The following GALNT16 variants were observed in gnomAD, a reference collection of about 807,000 sequenced individuals.
The protein encoded by GALNT16 is UDP-GalNAc:polypeptide N-acetylgalactosaminyltransferase-like protein 1.
In GALNT16, 40 loss-of-function variants were observed where a neutral mutation model predicts 76.1. That is an observed-to-expected ratio of 0.53 (90% CI 0.41 to 0.68). The LOEUF is 0.68. Among genes scored for constraint, GALNT16 ranks in the 30% least tolerant of loss-of-function variants. The pLI is 0.00. For missense variants in GALNT16, 621 were observed against 731.9 expected, an observed-to-expected ratio of 0.85 and a Z score of 1.75; for synonymous variants, 276 against 285.2, an observed-to-expected ratio of 0.97 and a Z score of 0.32.
At chr14:69,359,145 T>C (rs2045709472), downstream of GALNT16, 1 of 152,274 alleles carries the variant, frequency 6.6e-6, no homozygotes, top group Non-Finnish European at 1.5e-5. Flanking sequence ...GTTCCTGTCT[T>C]CTCTAGTCTT....
intron 1 of GALNT16, among the ~76,000 whole-genome samples, chr14:69,301,367 T>G (rs1261541004): frequency 2.0e-5 from 3 of 152,184 alleles, no homozygotes; most frequent in Admixed American, 6.5e-5. Flanking sequence ...AAATTATTAT[T>G]ATTTGAGACG....
chr14:69,344,272 A>G (rs1004277241), intron 12 of GALNT16, among the ~76,000 whole-genome samples: 1 of 152,276 alleles, frequency 6.6e-6, no homozygotes, highest in Non-Finnish European at 1.5e-5. Context: ...TATCAAGAAC[A>G]GTTGTTCAGG....
chr14:69,292,757 C>T (rs959577468), intron 1 of GALNT16, among the ~76,000 whole-genome samples: 1 of 152,212 alleles, frequency 6.6e-6, no homozygotes, highest in African/African-American at 2.4e-5. Flanking sequence ...GGTGGCTTCC[C>T]CCTACCAGTT....
intron 1 of GALNT16, among the ~76,000 whole-genome samples, chr14:69,298,911 G>C (rs543455565): frequency 6.6e-6 from 1 of 152,360 alleles, no homozygotes; most frequent in East Asian, 1.9e-4. Context: ...TGTGTCTTCA[G>C]AGATCCCGAC....
rs1246427256 is a variant in GALNT16, at chr14:69,352,228, G to A, written c.*60G>A. The A allele has an allele frequency of 6.8e-7, 1 of 1,463,380 alleles. No individual in the cohort carries two copies. The highest frequency in any genetic ancestry group is 2.3e-5 in the East Asian group (1 of 42,932). The allele number at this position is 1,463,380 out of a possible 1,614,324, so 90.6% of individuals were successfully genotyped here. A position where few individuals can be genotyped will look rare whatever the true frequency, so the allele number is the denominator to read the frequency against. On this transcript the variant is annotated 3_prime_UTR_variant, in exon 15 of 15. Coordinates refer to ENST00000448469, the MANE Select transcript of GALNT16 (RefSeq NM_001168368.2). ...AGACTTCGGGACCGGAAGGGGGTTA[G>A]GGTGGGGGAGTGCAAAGTGGGCTGT... is the stretch of plus-strand genomic sequence containing the variant.
chr14:69,266,206 C>T (rs1374860222), intron 1 of GALNT16, among the ~76,000 whole-genome samples: 1 of 152,144 alleles, frequency 6.6e-6, no homozygotes, highest in Non-Finnish European at 1.5e-5. Context: ...TTTGTATTCG[C>T]TCCACAAACA....
At chr14:69,264,232 G>C (rs966806162) in intron 1 of GALNT16, among the ~76,000 whole-genome samples, 1 of 152,152 alleles carries the variant, frequency 6.6e-6, no homozygotes, top group Non-Finnish European at 1.5e-5. Flanking sequence ...TTCTTAAACC[G>C]GAGTTTCTTA....
At chr14:69,327,205 C>G (rs2140173151) in intron 5 of GALNT16, among the ~76,000 whole-genome samples, 1 of 152,254 alleles carries the variant, frequency 6.6e-6, no homozygotes, top group African/African-American at 2.4e-5. Context: ...ACGAAAATAT[C>G]TGGGTGTGGT....
chr14:69,384,501 T>A, the GALNT16 span, among the ~76,000 whole-genome samples: 1 of 152,268 alleles, frequency 6.6e-6, no homozygotes, highest in African/African-American at 2.4e-5. Flanking sequence ...TAAAACATGA[T>A]CCTTTGCTTC....
chr14:69,329,282 G>A (rs1023500183), intron 6 of GALNT16, among the ~76,000 whole-genome samples: 10 of 152,204 alleles, frequency 6.6e-5, no homozygotes, highest in East Asian at 3.9e-4. Flanking sequence ...ACCTGGTCCC[G>A]GGAGGCAGAG....
chr14:69,315,434 G>C (rs964203817), intron 1 of GALNT16, among the ~76,000 whole-genome samples: 14 of 152,140 alleles, frequency 9.2e-5, no homozygotes, highest in Admixed American at 7.2e-4. Flanking sequence ...TGGGAGGCTC[G>C]TCAGCCTGTC....
chr14:69,306,733 G>A (rs1350025329), intron 1 of GALNT16, among the ~76,000 whole-genome samples: 5 of 152,120 alleles, frequency 3.3e-5, no homozygotes, highest in Admixed American at 3.3e-4. Context: ...AATCTTCTGG[G>A]TAGATGGGAG....
At chr14:69,331,812 A>C (rs2045356146) in intron 7 of GALNT16, among the ~76,000 whole-genome samples, 1 of 152,210 alleles carries the variant, frequency 6.6e-6, no homozygotes, top group South Asian at 2.1e-4. Context: ...CCTCCCTCCA[A>C]ATATTGACAC....
intron 1 of GALNT16, among the ~76,000 whole-genome samples, chr14:69,304,271 A>G (rs1473747931): frequency 1.3e-5 from 2 of 152,254 alleles, no homozygotes; most frequent in African/African-American, 4.8e-5. Flanking sequence ...AAAGGCCAAC[A>G]GTAAATTTCT....
At chr14:69,343,269 A>G (rs1357621740) in intron 12 of GALNT16, among the ~76,000 whole-genome samples, 1 of 152,212 alleles carries the variant, frequency 6.6e-6, no homozygotes, top group African/African-American at 2.4e-5. Flanking sequence ...TGAAAGAGGC[A>G]AATCTTTGTC....
At chr14:69,272,945 A>G (rs1445798819) in intron 1 of GALNT16, among the ~76,000 whole-genome samples, 4 of 152,210 alleles carry the variant, frequency 2.6e-5, no homozygotes, top group South Asian at 4.1e-4. Flanking sequence ...TTGCACAGTG[A>G]TGAACTTGCC....
intron 1 of GALNT16, among the ~76,000 whole-genome samples, chr14:69,305,220 G>A (rs753844612): frequency 1.9e-4 from 28 of 150,228 alleles, no homozygotes; most frequent in Non-Finnish European, 3.1e-4. Context: ...CCAGGCTGGG[G>A]TAGTGTGATC....
chr14:69,363,171 C>T, the GALNT16 span, among the ~76,000 whole-genome samples: 2 of 152,190 alleles, frequency 1.3e-5, no homozygotes, highest in Non-Finnish European at 2.9e-5. Flanking sequence ...AGGGAAGATG[C>T]AGGCTGCGGA....
rs146302413 is a variant in GALNT16 at position 69,330,320 on chromosome 14, G to A, written c.691-1144G>A. 3.3e-5 allele frequency among the ~76,000 whole-genome samples: 5 copies of A among 152,278 alleles called. No homozygotes were observed. In the East Asian group the frequency reaches 9.6e-4, roughly 29 times the overall value. ...CCTACGTGAAGTGAAAGCCAGTCACGAAAAGCCATACATTATATGATTCCT... is the reference window on the plus strand; with the variant it reads ...CCTACGTGAAGTGAAAGCCAGTCACAAAAAGCCATACATTATATGATTCCT... On this transcript the variant is annotated intron_variant, in intron 6 of 14. Transcript: ENST00000448469.
Sources: allele counts gnomAD v4.1 joint callset (sites outside exome capture counted in the v4.1 genomes callset), GRCh38; gene constraint gnomAD v4.1.1; transcripts MANE v1.5; gene names NCBI Gene and HGNC (gene_info 2026-07-23, HGNC 2026-07-21).